Variants in XKR4 observed in about 807,000 individuals in gnomAD.
XKR4 encodes the protein XK-related protein 4.
A neutral mutation model predicts 53.9 loss-of-function variants in XKR4; 12 were observed. The ratio of observed to expected loss-of-function variants is 0.22; its 90% confidence interval spans 0.14 to 0.36. The LOEUF is 0.36. XKR4 is among the 10% of genes least tolerant of loss of function. The pLI is 1.00. For synonymous variants in XKR4, 354 were observed against 362.4 expected, an observed-to-expected ratio of 0.98 and a Z score of 0.26; for missense variants, 799 against 859.5, an observed-to-expected ratio of 0.93 and a Z score of 0.88.
At chr8:55,171,417 C>A (rs1446321934) in intron 1 of XKR4, among the ~76,000 whole-genome samples, 1 of 152,136 alleles carries the variant, frequency 6.6e-6, no homozygotes, top group Non-Finnish European at 1.5e-5. Context: ...TGGAAAGCTT[C>A]TCACCAGCTC....
At chr8:55,192,986 T>G (rs1354495522) in intron 1 of XKR4, among the ~76,000 whole-genome samples, 1 of 152,074 alleles carries the variant, frequency 6.6e-6, no homozygotes, top group African/African-American at 2.4e-5. Flanking sequence ...CCCAAGGGCC[T>G]TTTTTTGTTT....
intron 2 of XKR4, among the ~76,000 whole-genome samples, chr8:55,384,952 A>G (rs755074155): frequency 2.0e-4 from 30 of 152,222 alleles, no homozygotes; most frequent in Non-Finnish European, 4.1e-4. Context: ...CCTCTTTGAG[A>G]ATGGCCATCG....
rs773691596 is a variant in XKR4, at chr8:55,357,828, C to T, written c.957C>T (p.Val319=). Residue 319 remains valine, a synonymous_variant, in exon 2 of 3, where the codon GTC becomes GTT. Transcript: ENST00000327381. ...TTCTGGAAAGTGCTCCACAGCTGGTCCTGCAGCTCTGCATTATCGTACAGA... is the reference window on the plus strand; with the variant it reads ...TTCTGGAAAGTGCTCCACAGCTGGTTCTGCAGCTCTGCATTATCGTACAGA... ...ATFLESAPQL[V]LQLCIIVQTH... The T allele has an allele frequency of 3.1e-6, 5 of 1,614,126 alleles. No individual in the cohort carries two copies. Among genetic ancestry groups the T allele is most frequent in the Middle Eastern group, 1.6e-4 (1 of 6,062 alleles).
intron 2 of XKR4, among the ~76,000 whole-genome samples, chr8:55,377,028 A>T (rs1247604778): frequency 6.6e-6 from 1 of 151,958 alleles, no homozygotes; most frequent in Non-Finnish European, 1.5e-5. Context: ...ACAGGCACAG[A>T]CTTTCTCAAG....
chr8:55,436,454 G>A (rs370612672), intron 2 of XKR4, among the ~76,000 whole-genome samples: 2 of 152,278 alleles, frequency 1.3e-5, no homozygotes, highest in South Asian at 4.1e-4. Context: ...AATTAGAATG[G>A]TGTTGCACAG....
chr8:55,149,963 C>T lies in XKR4; in HGVS notation c.806+46669C>T, dbSNP rs139325213. 7.9e-5 allele frequency among the ~76,000 whole-genome samples: 12 copies of T among 152,268 alleles called. No homozygotes were observed. The East Asian group carries it at 1.5e-3, about 20-fold the overall frequency. ...AAGGCTTGCCTTCAAAGGTGCACCA[C>T]GGTTCAAGGGGAAAACCTGCTCTTC... is the stretch of plus-strand genomic sequence containing the variant. On this transcript the variant is annotated intron_variant, in intron 1 of 2. Transcript: ENST00000327381.
chr8:55,481,151 C>T (rs1423387004), intron 2 of XKR4, among the ~76,000 whole-genome samples: 1 of 151,700 alleles, frequency 6.6e-6, no homozygotes, highest in Non-Finnish European at 1.5e-5. Flanking sequence ...TCAAACTATA[C>T]TACAAGGCTA....
At chr8:55,479,282 C>T (rs1806060206) in intron 2 of XKR4, among the ~76,000 whole-genome samples, 1 of 152,016 alleles carries the variant, frequency 6.6e-6, no homozygotes, top group African/African-American at 2.4e-5. Context: ...AACTGAATAA[C>T]CTGCTCCTGA....
Position 55,525,470 on chromosome 8 carries a change from A to G in XKR4, c.*1243A>G, listed in dbSNP as rs568650283. The stretch of plus-strand genomic sequence containing the variant: ...AGACAAATGCAATGAATATGCTATG[A>G]AAAAACCCTTCTGAACTGAGAGAGG... On this transcript the variant is annotated 3_prime_UTR_variant, in exon 3 of 3. Coordinates refer to ENST00000327381, the MANE Select transcript of XKR4 (RefSeq NM_052898.2). 1 of 152,734 alleles carries G rather than the reference A, an allele frequency of 6.5e-6. No homozygotes were observed. Among genetic ancestry groups the G allele is most frequent in the Non-Finnish European group, 1.5e-5 (1 of 68,022 alleles). The allele number at this position is 152,734 out of a possible 1,614,324, so 9.5% of individuals were successfully genotyped here. A position where few individuals can be genotyped will look rare whatever the true frequency, so the allele number is the denominator to read the frequency against.
intron 1 of XKR4, among the ~76,000 whole-genome samples, chr8:55,124,129 C>T (rs1170223992): frequency 6.6e-6 from 1 of 152,176 alleles, no homozygotes; most frequent in African/African-American, 2.4e-5. Context: ...TTTACAAATG[C>T]CTCCCCTAAC....
chr8:55,209,069 A>G (rs1563483490), intron 1 of XKR4, among the ~76,000 whole-genome samples: 1 of 152,200 alleles, frequency 6.6e-6, no homozygotes. Context: ...CCTGTGGCTC[A>G]TAGGCAACCA....
intron 1 of XKR4, among the ~76,000 whole-genome samples, chr8:55,261,455 C>T (rs961840065): frequency 3.3e-5 from 5 of 152,134 alleles, no homozygotes; most frequent in African/African-American, 9.7e-5. Context: ...ATTTTCTTTT[C>T]TTGGGTGTAA....
At chr8:55,330,478 T>TAA (rs1409937172) in intron 1 of XKR4, among the ~76,000 whole-genome samples, 1 of 151,706 alleles carries the variant, frequency 6.6e-6, no homozygotes, top group Non-Finnish European at 1.5e-5. Flanking sequence ...TCCCACAGAG[T>TAA]AAAAAATGGA....
intron 2 of XKR4, among the ~76,000 whole-genome samples, chr8:55,416,843 A>G (rs551352764): frequency 6.6e-6 from 1 of 152,386 alleles, no homozygotes; most frequent in Non-Finnish European, 1.5e-5. Flanking sequence ...TTAACTCACA[A>G]GACAATGATC....
chr8:55,478,250 A>G (rs1806033855), intron 2 of XKR4, among the ~76,000 whole-genome samples: 1 of 152,160 alleles, frequency 6.6e-6, no homozygotes, highest in African/African-American at 2.4e-5. Context: ...AATATTCAAC[A>G]TTCTTAAAAA....
chr8:55,142,008 G>T (rs1259569435), intron 1 of XKR4: 6 of 446,724 alleles, frequency 1.3e-5, no homozygotes, highest in Admixed American at 7.2e-5. Flanking sequence ...CCATCTCTGG[G>T]CTGGCTTAAG....
intron 2 of XKR4, among the ~76,000 whole-genome samples, chr8:55,481,867 A>G (rs1318102803): frequency 2.0e-5 from 3 of 152,208 alleles, no homozygotes; most frequent in Admixed American, 6.5e-5. Context: ...CACCAGTTAG[A>G]ATGGAAATCA....
intron 1 of XKR4, among the ~76,000 whole-genome samples, chr8:55,196,625 A>G (rs1817510622): frequency 6.6e-6 from 1 of 152,246 alleles, no homozygotes; most frequent in Non-Finnish European, 1.5e-5. Context: ...GGATTAAGAC[A>G]TGGTTTGCTT....
chr8:55,162,996 A>G (rs185869028), intron 1 of XKR4, among the ~76,000 whole-genome samples: 8 of 152,354 alleles, frequency 5.3e-5, no homozygotes, highest in Admixed American at 2.0e-4. Context: ...AAAATGCTTT[A>G]CATTTTTTAT....
Sources: allele counts gnomAD v4.1 joint callset (sites outside exome capture counted in the v4.1 genomes callset), GRCh38; gene constraint gnomAD v4.1.1; transcripts MANE v1.5; gene names NCBI Gene and HGNC (gene_info 2026-07-23, HGNC 2026-07-21).